The following CDH4 variants were observed in gnomAD, a reference collection of about 807,000 sequenced individuals.
CDH4 encodes the protein cadherin 4.
In CDH4, 33 loss-of-function variants were observed where a neutral mutation model predicts 86.0. The observed-to-expected ratio is 0.38, with a 90% CI of 0.29 to 0.51. The LOEUF is 0.51. Among genes scored for constraint, CDH4 ranks in the 20% least tolerant of loss-of-function variants. CDH4 has a pLI of 0.86. For synonymous variants in CDH4, 555 were observed against 549.4 expected (o/e 1.01, Z -0.14); for missense variants, 1,114 against 1,307.4 (o/e 0.85, Z 2.28).
rs79960570 is a variant in CDH4 at position 61,745,621 on chromosome 20, T to C, written c.396+1832T>C. Reference sequence around the variant, plus strand: ...TCTAGGACGGTGTATGTCATTTTCCTTCTTCCCTGAGTGATTATTACAAGC... The same window carrying C: ...TCTAGGACGGTGTATGTCATTTTCCCTCTTCCCTGAGTGATTATTACAAGC... On this transcript the variant is annotated intron_variant, in intron 3 of 15. Coordinates refer to ENST00000614565, the MANE Select transcript of CDH4 (RefSeq NM_001794.5). Among the ~76,000 whole-genome samples the C allele has an allele frequency of 6.8e-3, 1,033 of 152,050 alleles. 10 individuals are homozygous for C. Among genetic ancestry groups the C allele is most frequent in the African/African-American group, 0.024 (996 of 41,484 alleles).
intron 2 of CDH4, among the ~76,000 whole-genome samples, chr20:61,682,620 G>A (rs1418122599): frequency 6.6e-6 from 1 of 152,066 alleles, no homozygotes; most frequent in Non-Finnish European, 1.5e-5. Flanking sequence ...TGGAAGGGAG[G>A]AGAGGAGAGA....
intron 7 of CDH4, among the ~76,000 whole-genome samples, chr20:61,883,784 A>G (rs1163481668): frequency 1.3e-5 from 2 of 152,174 alleles, no homozygotes; most frequent in Admixed American, 6.5e-5. Context: ...GCCTGCCTCC[A>G]TCTTGTTCCT....
chr20:61,849,116 C>T (rs1160414506), intron 5 of CDH4, among the ~76,000 whole-genome samples: 4 of 152,098 alleles, frequency 2.6e-5, no homozygotes, highest in Admixed American at 6.5e-5. Flanking sequence ...GAAGCTGCAT[C>T]GTCTGCCAAA....
intron 2 of CDH4, among the ~76,000 whole-genome samples, chr20:61,620,000 G>T (rs1223507390): frequency 6.6e-6 from 1 of 152,192 alleles, no homozygotes; most frequent in Non-Finnish European, 1.5e-5. Flanking sequence ...GAGAACTACA[G>T]CTGGTAATGG....
chr20:61,521,419 G>A (rs573566757), intron 2 of CDH4, among the ~76,000 whole-genome samples: 20 of 152,304 alleles, frequency 1.3e-4, no homozygotes, highest in Admixed American at 7.2e-4. Flanking sequence ...GGGAGGCAGC[G>A]TCAGCCCTGT....
At chr20:61,853,135 G>C (rs6061869) in intron 6 of CDH4, among the ~76,000 whole-genome samples, 99,979 of 152,118 alleles carry the variant, frequency 0.66, 33,971 homozygotes, top group South Asian at 0.79. Context: ...AGGGCCAACG[G>C]GCTGGGAAGA....
intron 2 of CDH4, among the ~76,000 whole-genome samples, chr20:61,508,254 A>ATG (rs2085755575): frequency 6.6e-6 from 1 of 152,232 alleles, no homozygotes; most frequent in South Asian, 2.1e-4. Flanking sequence ...CCCAGGCAGT[A>ATG]TGTGTGCCCC....
chr20:61,854,801 T>G (rs1008898242), intron 6 of CDH4, among the ~76,000 whole-genome samples: 4 of 145,728 alleles, frequency 2.7e-5, no homozygotes, highest in Admixed American at 2.7e-4. Flanking sequence ...AGGGCTGCAG[T>G]GTGAACAGGG....
intron 2 of CDH4, among the ~76,000 whole-genome samples, chr20:61,672,201 TGATG>T (rs1451974730): frequency 1.3e-5 from 2 of 150,038 alleles, no homozygotes; most frequent in Non-Finnish European, 3.0e-5. Flanking sequence ...AATGGATGGA[TGATG>T]GATGGATAGA....
At chr20:61,454,085 G>A (rs944026516) in intron 2 of CDH4, among the ~76,000 whole-genome samples, 2 of 152,190 alleles carry the variant, frequency 1.3e-5, no homozygotes, top group Admixed American at 6.5e-5. Flanking sequence ...GTTCTTCATA[G>A]CAGTGTGAGA....
chr20:61,382,354 G>A (rs1425400670), intron 2 of CDH4, among the ~76,000 whole-genome samples: 1 of 152,206 alleles, frequency 6.6e-6, no homozygotes, highest in Non-Finnish European at 1.5e-5. Flanking sequence ...AGCAGAGCGA[G>A]AGAGCCTTAT....
intron 2 of CDH4, among the ~76,000 whole-genome samples, chr20:61,455,639 T>C (rs374898723): frequency 6.6e-6 from 1 of 152,208 alleles, no homozygotes; most frequent in Non-Finnish European, 1.5e-5. Flanking sequence ...CCATGTGCCA[T>C]GCAGGGTGCA....
rs1229959031 is a variant in CDH4, at chr20:61,703,178, A to C, written c.170-40385A>C. Reference sequence around the variant, plus strand: ...TGTGATCAGAAGTGGGGGCTCTTGGACGAGCTCAGAACACACAGGCCTTGG... The same window carrying C: ...TGTGATCAGAAGTGGGGGCTCTTGGCCGAGCTCAGAACACACAGGCCTTGG... On this transcript the variant is annotated intron_variant, in intron 2 of 15. Coordinates refer to ENST00000614565, the MANE Select transcript of CDH4 (RefSeq NM_001794.5). This position sits in a 1 kb window ranked among gnomAD's most constrained non-coding sequence, Gnocchi z 4.3. 3.3e-5 allele frequency among the ~76,000 whole-genome samples: 5 copies of C among 152,154 alleles called. No homozygotes were observed. Among genetic ancestry groups the C allele is most frequent in the African/African-American group, 1.2e-4 (5 of 41,428 alleles).
At chr20:61,862,574 G>T (rs1327347021) in intron 6 of CDH4, among the ~76,000 whole-genome samples, 3 of 152,186 alleles carry the variant, frequency 2.0e-5, no homozygotes, top group Non-Finnish European at 2.9e-5. Flanking sequence ...CGTACTGCCT[G>T]GTCCCCTGGA....
chr20:61,355,698 C>T (rs2084745387), intron 2 of CDH4, among the ~76,000 whole-genome samples: 2 of 152,210 alleles, frequency 1.3e-5, no homozygotes, highest in South Asian at 4.1e-4. Context: ...TGTAGACATG[C>T]ACACCTGTGT....
intron 2 of CDH4, among the ~76,000 whole-genome samples, chr20:61,590,338 C>G (rs887915637): frequency 1.3e-5 from 2 of 152,060 alleles, no homozygotes; most frequent in African/African-American, 4.8e-5. Context: ...TGCTCGTGAT[C>G]ACAGGGAGCT....
intron 2 of CDH4, among the ~76,000 whole-genome samples, chr20:61,630,005 G>C (rs752779653): frequency 6.6e-6 from 1 of 152,176 alleles, no homozygotes; most frequent in Admixed American, 6.5e-5. Flanking sequence ...CTCTGCCCGG[G>C]CTCCGAGGCG....
At chr20:61,818,232 G>A (rs1306204336) in intron 4 of CDH4, among the ~76,000 whole-genome samples, 1 of 152,126 alleles carries the variant, frequency 6.6e-6, no homozygotes, top group South Asian at 2.1e-4. Context: ...ACATCACGCA[G>A]ACAGTGAGGA....
At chr20:61,665,301 C>CGGGCGAAT (rs2087310734) in intron 2 of CDH4, among the ~76,000 whole-genome samples, 1 of 152,282 alleles carries the variant, frequency 6.6e-6, no homozygotes, top group East Asian at 1.9e-4. Flanking sequence ...AATTCGGCAG[C>CGGGCGAAT]TGTTTCTGCT....
Sources: allele counts gnomAD v4.1 joint callset (sites outside exome capture counted in the v4.1 genomes callset), GRCh38; gene constraint gnomAD v4.1.1; non-coding constraint Gnocchi (gnomAD v3.1); transcripts MANE v1.5; gene names NCBI Gene and HGNC (gene_info 2026-07-23, HGNC 2026-07-21).